The following ATXN2 variants were observed in gnomAD, a reference collection of about 807,000 sequenced individuals.
ATXN2 encodes ataxin 2.
ATXN2 carries 37 observed loss-of-function variants against 138.6 expected under a neutral mutation model. The observed-to-expected ratio is 0.27, with a 90% confidence interval of 0.21 to 0.35. The LOEUF is 0.35. Ranked by LOEUF, ATXN2 falls within the 10% of genes least tolerant of loss-of-function variation. The pLI is 1.00. For missense variants in ATXN2, 1,216 were observed against 1,480.3 expected (o/e 0.82, Z 2.93); for synonymous variants, 549 against 543.7 (o/e 1.01, Z -0.13).
intron 1 of ATXN2, among the ~76,000 whole-genome samples, chr12:111,558,687 C>G (rs1266627836): frequency 6.6e-6 from 1 of 152,090 alleles, no homozygotes; most frequent in Non-Finnish European, 1.5e-5. Flanking sequence ...GTCCCCGCTA[C>G]TTGGTAGGGT....
intron 5 of ATXN2, among the ~76,000 whole-genome samples, chr12:111,542,902 A>G (rs1417707372): frequency 6.6e-6 from 1 of 152,172 alleles, no homozygotes; most frequent in East Asian, 1.9e-4. Context: ...TATTTAATAA[A>G]TGAAGTTATT....
chr12:111,467,307 C>CTTTTTT lies in ATXN2; in HGVS notation c.2843-2598_2843-2593dup, dbSNP rs61507608. ...ACAGGCATGTGCCACCATGACTGGGCTTTTTTTTTTTTTTTTTTTTTTTTT... is the reference window on the plus strand; with the variant it reads ...ACAGGCATGTGCCACCATGACTGGGCTTTTTTTTTTTTTTTTTTTTTTTTTTTTTTT... On this transcript the variant is annotated intron_variant, in intron 20 of 24. Coordinates refer to ENST00000673436, the MANE Select transcript of ATXN2 (RefSeq NM_001372574.1). Among the ~76,000 whole-genome samples, 64 of 34,832 alleles carry CTTTTTT rather than the reference C, an allele frequency of 1.8e-3. 16 individuals carry two copies. Among genetic ancestry groups the CTTTTTT allele is most frequent in the African/African-American group, 7.0e-3 (46 of 6,566 alleles). The allele number at this position is 34,832 out of a possible 152,430, so 22.9% of individuals were successfully genotyped here.
intron 14 of ATXN2, among the ~76,000 whole-genome samples, chr12:111,506,100 A>C (rs1441183227): frequency 6.6e-6 from 1 of 152,208 alleles, no homozygotes; most frequent in Non-Finnish European, 1.5e-5. Flanking sequence ...TAAAAGCCAC[A>C]TATTTTATTA....
rs764435955 is a variant in ATXN2, at chr12:111,513,343, C to T, written c.1558+14G>A. The stretch of plus-strand genomic sequence containing the variant: ...ACAAAATGAGTACCATCATTATGCC[C>T]AAGTGTTACCTACCCCCACTGACCA... On this transcript the variant is annotated intron_variant, in intron 11 of 24. Coordinates refer to ENST00000673436, the MANE Select transcript of ATXN2 (RefSeq NM_001372574.1). The T allele has an allele frequency of 6.2e-7, 1 of 1,609,242 alleles. No homozygotes were observed. Among genetic ancestry groups the T allele is most frequent in the Non-Finnish European group, 8.5e-7 (1 of 1,178,850 alleles).
chr12:111,485,299 T>A lies in ATXN2; in HGVS notation c.2490A>T (p.Pro830=). The change falls in exon 18 of 25, where the codon CCA becomes CCT. Residue 830 remains proline, a synonymous_variant. Coordinates refer to ENST00000673436, the MANE Select transcript of ATXN2 (RefSeq NM_001372574.1). Reference sequence around the variant, plus strand: ...CTCTATATGTCTTGGCTTGATTCACTGGCATGGGCGTCATAGGTATTGGGT... The same window carrying A: ...CTCTATATGTCTTGGCTTGATTCACAGGCATGGGCGTCATAGGTATTGGGT... ...PLYPIPMTPM[P]VNQAKTYRAG... is the part of the protein sequence containing the mutation. The A allele has an allele frequency of 6.2e-7, 1 of 1,613,116 alleles. No homozygotes were observed. The highest frequency in any genetic ancestry group is 8.5e-7 in the Non-Finnish European group (1 of 1,179,426).
chr12:111,453,007 T>C lies in ATXN2; in HGVS notation c.3440-167A>G. 1 of 84,030 alleles carries C rather than the reference T, an allele frequency of 1.2e-5. No homozygotes were observed. Among genetic ancestry groups the C allele is most frequent in the Non-Finnish European group, 2.2e-5 (1 of 45,766 alleles). 5.2% of individuals were successfully genotyped at this position (84,030 alleles called of 1,614,324 possible). A position where few individuals can be genotyped will look rare whatever the true frequency, so the allele number is the denominator to read the frequency against. ...CTGCACCAAAGTGGGGAGGGTTGGG[T>C]GGGTGGGTAGAAACAAACCAGTCAG... On this transcript the variant is annotated intron_variant, in intron 24 of 24. Transcript: ENST00000673436. The surrounding 1 kb of genome is among the most constrained non-coding windows in gnomAD (Gnocchi z 5.4).
intron 1 of ATXN2, among the ~76,000 whole-genome samples, chr12:111,556,139 G>A (rs1309277253): frequency 6.6e-6 from 1 of 152,016 alleles, no homozygotes; most frequent in African/African-American, 2.4e-5. Context: ...AAGCAAACTA[G>A]AAATAATCAA....
intron 20 of ATXN2, chr12:111,469,800 T>C: frequency 2.6e-6 from 1 of 387,376 alleles, no homozygotes; most frequent in Non-Finnish European, 4.6e-6. Context: ...AGGCAGGATA[T>C]ACCAAAGCAT....
intron 1 of ATXN2, among the ~76,000 whole-genome samples, chr12:111,583,137 T>A (rs558560081): frequency 2.7e-4 from 41 of 151,176 alleles, no homozygotes; most frequent in Middle Eastern, 3.5e-3. Flanking sequence ...GGACTACAGA[T>A]GCGCACCACC....
Position 111,455,765 on chromosome 12 carries a change from C to T in ATXN2, c.3270+264G>A, listed in dbSNP as rs967039708. 3 of 547,616 alleles carry T rather than the reference C, an allele frequency of 5.5e-6. No homozygotes were observed. In the African/African-American group the frequency reaches 5.7e-5, roughly 10 times the overall value. The allele number at this position is 547,616 out of a possible 1,614,324, so 33.9% of individuals were successfully genotyped here. On this transcript the variant is annotated intron_variant, in intron 23 of 24. Coordinates refer to ENST00000673436, the MANE Select transcript of ATXN2 (RefSeq NM_001372574.1). ...AGCAGACACAGAAAGGAAAGAAGGA[C>T]TGGGTTGCATTCCAGAGTCAAAGAT...
At chr12:111,587,681 C>G (rs1249826246) in intron 1 of ATXN2, among the ~76,000 whole-genome samples, 1 of 151,866 alleles carries the variant, frequency 6.6e-6, no homozygotes, top group South Asian at 2.1e-4. Context: ...TAAAAAAAAA[C>G]TGATCATTGG....
Position 111,488,090 on chromosome 12 carries a change from G to A in ATXN2, c.2240+386C>T, listed in dbSNP as rs113559840. Among the ~76,000 whole-genome samples, 281 of 152,186 alleles carry A rather than the reference G, an allele frequency of 1.8e-3. 1 individual carries two copies. Among genetic ancestry groups the A allele is most frequent in the Non-Finnish European group, 3.3e-3 (226 of 68,012 alleles). On this transcript the variant is annotated intron_variant, in intron 15 of 24. Coordinates refer to ENST00000673436, the MANE Select transcript of ATXN2 (RefSeq NM_001372574.1). Reference sequence around the variant, plus strand: ...ATTTTGAATTCCAAGTAGAAGCACCGCATGCTTCTCTCCTTGACAGTGGCA... The same window carrying A: ...ATTTTGAATTCCAAGTAGAAGCACCACATGCTTCTCTCCTTGACAGTGGCA...
chr12:111,519,494 G>C (rs1880040678), intron 8 of ATXN2, among the ~76,000 whole-genome samples: 1 of 152,128 alleles, frequency 6.6e-6, no homozygotes, highest in South Asian at 2.1e-4. Flanking sequence ...TCCTCAATGA[G>C]GTTTTCTCTG....
intron 21 of ATXN2, among the ~76,000 whole-genome samples, chr12:111,460,046 C>G (rs1052649463): frequency 1.3e-5 from 2 of 152,064 alleles, no homozygotes; most frequent in Non-Finnish European, 2.9e-5. Flanking sequence ...AATAAAAAAG[C>G]CACATGTAGC....
chr12:111,520,660 A>C (rs939064244), intron 7 of ATXN2, among the ~76,000 whole-genome samples: 1 of 152,218 alleles, frequency 6.6e-6, no homozygotes, highest in African/African-American at 2.4e-5. Context: ...AAAAGAAAAA[A>C]AAAGACAAAA....
chr12:111,591,034 C>A (rs539246664), intron 1 of ATXN2, among the ~76,000 whole-genome samples: 2 of 151,998 alleles, frequency 1.3e-5, no homozygotes, highest in South Asian at 4.2e-4. Flanking sequence ...TGACTACAGG[C>A]GCCCTCCACC....
chr12:111,538,499 T>C (rs1881318348), intron 5 of ATXN2, among the ~76,000 whole-genome samples: 1 of 133,318 alleles, frequency 7.5e-6, no homozygotes, highest in Non-Finnish European at 1.8e-5. Flanking sequence ...TACAGGTACA[T>C]ACCACCGTGT....
intron 18 of ATXN2, among the ~76,000 whole-genome samples, chr12:111,478,232 C>T (rs1243541284): frequency 2.0e-5 from 3 of 152,048 alleles, no homozygotes; most frequent in Non-Finnish European, 2.9e-5. Flanking sequence ...CATGGTGAAA[C>T]CCCACCTACA....
Position 111,525,325 on chromosome 12 carries a change from A to C in ATXN2, c.572-9T>G. 2 of 1,561,206 alleles carry C rather than the reference A, an allele frequency of 1.3e-6. No individual in the cohort carries two copies. Among genetic ancestry groups the C allele is most frequent in the Non-Finnish European group, 1.7e-6 (2 of 1,157,718 alleles). On this transcript the variant is annotated splice_polypyrimidine_tract_variant and intron_variant, in intron 5 of 24. Coordinates refer to ENST00000673436, the MANE Select transcript of ATXN2 (RefSeq NM_001372574.1). ...AGAGTCAGTAAAAGCATCTGCAAAG[A>C]ATGGTTTTGGTTGAAAGTTTATATA...
Sources: allele counts gnomAD v4.1 joint callset (sites outside exome capture counted in the v4.1 genomes callset), GRCh38; gene constraint gnomAD v4.1.1; non-coding constraint Gnocchi (gnomAD v3.1); transcripts MANE v1.5; gene names NCBI Gene and HGNC (gene_info 2026-07-23, HGNC 2026-07-21).